Variants in DUSP14 observed in about 807,000 individuals in gnomAD.
DUSP14 encodes the protein dual specificity protein phosphatase 14.
A neutral mutation model predicts 13.2 loss-of-function variants in DUSP14; 5 were observed. That is an observed-to-expected ratio of 0.38 (90% CI 0.20 to 0.80). DUSP14 has a LOEUF of 0.80. DUSP14 is among the 30% of genes least tolerant of loss of function. The probability of loss-of-function intolerance (pLI) is 0.44; values close to 1 mark genes in which losing one functional copy is unlikely to be tolerated. For synonymous variants in DUSP14, 91 were observed against 103.4 expected (o/e 0.88, Z 0.73); for missense variants, 185 against 264.0 (o/e 0.70, Z 2.07).
intron 1 of DUSP14, among the ~76,000 whole-genome samples, chr17:37,492,950 T>TA (rs1258480105): frequency 6.6e-6 from 1 of 152,164 alleles, no homozygotes; most frequent in African/African-American, 2.4e-5. Context: ...CAGTGCAAAC[T>TA]AAAAGTAGAT....
At position 37,512,828 on chromosome 17, in the gene DUSP14, GAGA is replaced by G. The variant is rs770878022; in HGVS notation, c.559_561del (p.Lys187del). The G allele has an allele frequency of 3.0e-5, 48 of 1,610,636 alleles. No homozygotes were observed. The highest frequency in any genetic ancestry group is 1.6e-4 in the Middle Eastern group (1 of 6,080). On this transcript the variant is annotated inframe_deletion, in exon 3 of 3. Transcript: ENST00000617516. The surrounding 1 kb of genome is among the most constrained non-coding windows in gnomAD (Gnocchi z 4.8). ...TTATGGCATAGTTCCCGACGTCTAT[GAGA>G]AGGAGTCCCGACACCTGATGCCTTA...
intron 1 of DUSP14, among the ~76,000 whole-genome samples, chr17:37,501,552 A>G (rs552432978): frequency 1.3e-5 from 2 of 151,862 alleles, no homozygotes; most frequent in African/African-American, 4.8e-5. Flanking sequence ...GGAGTTTCTC[A>G]TCACCCAGGC....
At chr17:37,509,284 TATATATATATATAGTG>T (rs2054166043) in intron 1 of DUSP14, among the ~76,000 whole-genome samples, 1 of 29,208 alleles carries the variant, frequency 3.4e-5, no homozygotes, top group African/African-American at 1.5e-4. Flanking sequence ...TATATATATA[TATATATATATATAGTG>T]TGTGTGTGTG....
intron 1 of DUSP14, among the ~76,000 whole-genome samples, chr17:37,499,027 G>A (rs566602254): frequency 1.1e-4 from 17 of 152,152 alleles, no homozygotes; most frequent in African/African-American, 3.9e-4. Flanking sequence ...CCATTCTCAC[G>A]CTGCTATGAA....
intron 1 of DUSP14, among the ~76,000 whole-genome samples, chr17:37,504,603 G>A (rs2054125779): frequency 1.3e-5 from 2 of 152,164 alleles, no homozygotes; most frequent in South Asian, 4.1e-4. Flanking sequence ...ACTTTAATAT[G>A]TATATATGAG....
chr17:37,498,968 G>T (rs1029225959), intron 1 of DUSP14, among the ~76,000 whole-genome samples: 2 of 152,170 alleles, frequency 1.3e-5, no homozygotes, highest in Non-Finnish European at 2.9e-5. Flanking sequence ...CTACTATGCT[G>T]TGATGGTTTT....
At chr17:37,491,248 T>A (rs976465381) in intron 1 of DUSP14, among the ~76,000 whole-genome samples, 4 of 152,152 alleles carry the variant, frequency 2.6e-5, no homozygotes, top group Non-Finnish European at 5.9e-5. Flanking sequence ...CAGTCTTGGT[T>A]CCCTTGAGAA....
Position 37,512,283 on chromosome 17 carries a change from G to A in DUSP14, c.11G>A (p.Arg4Lys). The change falls in exon 3 of 3, where the codon AGA (arginine) becomes AAA (lysine). Residue 4 changes from arginine (R) to lysine (K), a missense_variant. Physicochemically the swap from Arg to Lys is conservative, Grantham distance 26. Coordinates refer to ENST00000617516, the MANE Select transcript of DUSP14 (RefSeq NM_007026.4). The surrounding 1 kb of genome is among the most constrained non-coding windows in gnomAD (Gnocchi z 4.8). MSS[R>K]GHSTLPRTLM... ...ACTGCTGGCGTCTTCATGAGCTCCA[G>A]AGGTCACAGCACGCTACCAAGGACT... 2 of 1,603,988 alleles carry A rather than the reference G, an allele frequency of 1.2e-6. No individual in the cohort carries two copies. The highest frequency in any genetic ancestry group is 2.2e-5 in the South Asian group (2 of 90,486).
chr17:37,494,243 T>C (rs1467200766), intron 1 of DUSP14, among the ~76,000 whole-genome samples: 1 of 152,202 alleles, frequency 6.6e-6, no homozygotes, highest in Non-Finnish European at 1.5e-5. Context: ...TCCGCCCGCC[T>C]CGGCCTCCCA....
At position 37,498,314 on chromosome 17, in the gene DUSP14, CTTTTTTTTTTT is replaced by C. The variant is rs765033929; in HGVS notation, c.-181+8376_-181+8386del. Among the ~76,000 whole-genome samples, 406 of 70,572 alleles carry C rather than the reference CTTTTTTTTTTT, an allele frequency of 5.8e-3. 2 individuals are homozygous for C. The highest frequency in any genetic ancestry group is 0.013 in the Middle Eastern group (1 of 78). 46.3% of individuals were successfully genotyped at this position (70,572 alleles called of 152,430 possible). A position where few individuals can be genotyped will look rare whatever the true frequency, so the allele number is the denominator to read the frequency against. On this transcript the variant is annotated intron_variant, in intron 1 of 2. Transcript: ENST00000617516. ...ACTTGTTTTGTGTACTAGATTGTAT[CTTTTTTTTTTT>C]TTTTTTTTTTTTTTTTTTTGAGACA...
intron 1 of DUSP14, chr17:37,491,340 A>C (rs1030535624): frequency 5.3e-5 from 8 of 152,260 alleles, no homozygotes. Flanking sequence ...GACACTTCAC[A>C]TCAGGGACAG....
intron 2 of DUSP14, among the ~76,000 whole-genome samples, chr17:37,511,937 A>AGTTTTTTTTTTTTTTTTTTTTTTTTT (rs1329764853): frequency 1.8e-4 from 3 of 16,438 alleles, no homozygotes; most frequent in Non-Finnish European, 3.5e-4. Context: ...CCCCCACCCC[A>AGTTTTTTTTTTTTTTTTTTTTTTTTT]CTTTTTTTTT....
rs183011239 is a variant in DUSP14, at chr17:37,496,984, C to A, written c.-181+7026C>A. On this transcript the variant is annotated intron_variant, in intron 1 of 2. Transcript: ENST00000617516. ...TTAACCAGCATCATAACTCACCATTCAAAAATCATTGCTCATACTTTATCT... is the reference window on the plus strand; with the variant it reads ...TTAACCAGCATCATAACTCACCATTAAAAAATCATTGCTCATACTTTATCT... 1.9e-3 allele frequency among the ~76,000 whole-genome samples: 279 copies of A among 150,736 alleles called. 2 individuals are homozygous for A. The highest frequency in any genetic ancestry group is 6.3e-3 in the African/African-American group (260 of 41,044).
intron 1 of DUSP14, chr17:37,509,955 C>CAGTTACCTGGGAA (rs2054172116): frequency 6.6e-6 from 1 of 151,778 alleles, no homozygotes; most frequent in African/African-American, 2.4e-5. Context: ...GGTGGGGGAA[C>CAGTTACCTGGGAA]AGGTGGTAGA....
upstream of DUSP14, chr17:37,489,793 C>G (rs1018836996): frequency 9.5e-5 from 14 of 148,112 alleles, no homozygotes; most frequent in South Asian, 2.1e-4. Flanking sequence ...CGCGTCCCCC[C>G]ACCTCGGGAG....
At chr17:37,501,572 A>G (rs1036075841) in intron 1 of DUSP14, among the ~76,000 whole-genome samples, 8 of 151,566 alleles carry the variant, frequency 5.3e-5, no homozygotes, top group South Asian at 2.1e-4. Flanking sequence ...CTGGAGTGCA[A>G]TGGAGCAATC....
At chr17:37,504,790 C>T (rs1364219903) in intron 1 of DUSP14, among the ~76,000 whole-genome samples, 2 of 152,110 alleles carry the variant, frequency 1.3e-5, no homozygotes, top group East Asian at 1.9e-4. Context: ...TACGTTGCCC[C>T]GGCTGGTCTT....
chr17:37,505,803 C>T (rs1052573166), intron 1 of DUSP14, among the ~76,000 whole-genome samples: 5 of 152,094 alleles, frequency 3.3e-5, no homozygotes, highest in Admixed American at 1.3e-4. Flanking sequence ...ATGCCCGCAT[C>T]CCAGGAGCTC....
intron 1 of DUSP14, among the ~76,000 whole-genome samples, chr17:37,499,616 T>TC (rs1265523274): frequency 1.4e-4 from 22 of 151,978 alleles, no homozygotes; most frequent in African/African-American, 4.1e-4. Context: ...GCAACCTCCA[T>TC]CCCCCCGGGT....
Sources: allele counts gnomAD v4.1 joint callset (sites outside exome capture counted in the v4.1 genomes callset), GRCh38; gene constraint gnomAD v4.1.1; non-coding constraint Gnocchi (gnomAD v3.1); transcripts MANE v1.5; gene names NCBI Gene and HGNC (gene_info 2026-07-23, HGNC 2026-07-21).